FANCA: variants seen among roughly 807,000 people sequenced by gnomAD.
The protein encoded by FANCA is Fanconi anemia group A protein.
FANCA carries 236 observed loss-of-function variants against 194.3 expected under a neutral mutation model. The observed-to-expected ratio is 1.21, with a 90% confidence interval of 1.09 to 1.35. FANCA has a LOEUF of 1.35. Ranked by LOEUF, FANCA falls within the 40% of genes most tolerant of loss-of-function variation. The pLI is 0.00. For missense variants in FANCA, 2,628 were observed against 1,813.9 expected (o/e 1.45, Z -8.15); for synonymous variants, 1,014 against 715.8 (o/e 1.42, Z -6.65).
chr16:89,802,929 T>C (rs1448181080), intron 8 of FANCA, among the ~76,000 whole-genome samples: 3 of 152,170 alleles, frequency 2.0e-5, no homozygotes, highest in African/African-American at 7.2e-5. Context: ...AGTTGGTTAA[T>C]GGGTACAAAC....
At chr16:89,750,939 C>G (rs2038567672) in intron 31 of FANCA, among the ~76,000 whole-genome samples, 1 of 152,206 alleles carries the variant, frequency 6.6e-6, no homozygotes, top group Non-Finnish European at 1.5e-5. Context: ...GTTGCCCAGG[C>G]TGGAGTGCGG....
At chr16:89,744,927 C>G (rs370110043) in intron 36 of FANCA, 32 bp downstream of exon 36, 2 of 1,588,838 alleles carry the variant, frequency 1.3e-6, no homozygotes, top group Admixed American at 3.3e-5. Flanking sequence ...TGCATCTGGG[C>G]GGGCACACCC....
In FANCA at chr16:89,749,755, G is replaced by C; in HGVS notation, c.3214C>G (p.Gln1072Glu). 6.2e-7 allele frequency: 1 copy of C among 1,614,182 alleles called. No individual in the cohort carries two copies. The highest frequency in any genetic ancestry group is 8.5e-7 in the Non-Finnish European group (1 of 1,180,026). The change falls in exon 32 of 43, where the codon CAG becomes GAG. Residue 1072 changes from glutamine to glutamate, a missense_variant. Coordinates refer to ENST00000389301, the MANE Select transcript of FANCA (RefSeq NM_000135.4). ...GWSVAASLQRQRELLMYKRIL... is the reference protein window; with the variant it reads ...GWSVAASLQRERELLMYKRIL... ...CGTTTGTACATTAGCAGCTCCCTCTGTCTCTGAAGGCTGGCAGCCACGCTC... is the reference window on the plus strand; with the variant it reads ...CGTTTGTACATTAGCAGCTCCCTCTCTCTCTGAAGGCTGGCAGCCACGCTC...
In FANCA at chr16:89,795,519, T is replaced by C. The variant is rs186108782; in HGVS notation, c.1006+387A>G. On this transcript the variant is annotated intron_variant, in intron 11 of 42. Transcript: ENST00000389301. The stretch of plus-strand genomic sequence containing the variant: ...CGGGTGTGGTGGTTGGCGCCTGTAG[T>C]CCCAGCTACTTGAGAGGCTGAGACA... 2.6e-3 allele frequency among the ~76,000 whole-genome samples: 394 copies of C among 151,884 alleles called. 2 individuals are homozygous for C. The highest frequency in any genetic ancestry group is 9.1e-3 in the African/African-American group (378 of 41,412).
At chr16:89,815,077 G>A (rs905986323) in intron 2 of FANCA, among the ~76,000 whole-genome samples, 1 of 151,922 alleles carries the variant, frequency 6.6e-6, no homozygotes, top group Non-Finnish European at 1.5e-5. Flanking sequence ...TCTCACTGTC[G>A]TCCAGGCTGG....
At chr16:89,740,146 C>T in intron 38 of FANCA, 47 bp from the exon 39 acceptor site, 2 of 1,478,664 alleles carry the variant, frequency 1.4e-6, no homozygotes, top group Non-Finnish European at 1.9e-6. Flanking sequence ...ACCTGGTGCT[C>T]CCATGGGTAG....
intron 26 of FANCA, among the ~76,000 whole-genome samples, chr16:89,768,896 G>A (rs1027933697): frequency 1.4e-5 from 2 of 142,908 alleles, no homozygotes; most frequent in African/African-American, 5.3e-5. Context: ...TTGGCTGTGT[G>A]CCTCTCATGC....
intron 7 of FANCA, among the ~76,000 whole-genome samples, chr16:89,803,926 T>C (rs2040545781): frequency 1.3e-5 from 2 of 152,060 alleles, no homozygotes; most frequent in East Asian, 3.9e-4. Flanking sequence ...GCCCAATTTT[T>C]TTCTCTTAAA....
chr16:89,789,306 T>TAG (rs1289416438), intron 14 of FANCA, among the ~76,000 whole-genome samples: 110 of 119,986 alleles, frequency 9.2e-4, no homozygotes, highest in African/African-American at 3.5e-3. Flanking sequence ...TCAGAAGGCC[T>TAG]GGGGGGGGAG....
intron 21 of FANCA, among the ~76,000 whole-genome samples, chr16:89,773,764 T>C (rs2143371825): frequency 6.6e-6 from 1 of 150,464 alleles, no homozygotes; most frequent in Non-Finnish European, 1.5e-5. Flanking sequence ...AGTCCCCTGG[T>C]TCCTCAAACT....
At chr16:89,776,280 G>A (rs1160399075) in intron 20 of FANCA, among the ~76,000 whole-genome samples, 1 of 143,572 alleles carries the variant, frequency 7.0e-6, no homozygotes, top group African/African-American at 2.6e-5. Flanking sequence ...CAATTCTCCT[G>A]CCTCACCCTC....
At chr16:89,798,277 G>C in intron 10 of FANCA, 1 of 946,390 alleles carries the variant, frequency 1.1e-6, no homozygotes, top group African/African-American at 1.8e-5. Flanking sequence ...ACTGCTGTGA[G>C]AACACATCTG....
chr16:89,758,263 G>A (rs1300109963), intron 30 of FANCA, among the ~76,000 whole-genome samples: 4 of 152,212 alleles, frequency 2.6e-5, no homozygotes, highest in Non-Finnish European at 5.9e-5. Flanking sequence ...AGGCTCAAGT[G>A]TACTTTGCAT....
intron 29 of FANCA, among the ~76,000 whole-genome samples, chr16:89,759,948 C>T (rs1180283807): frequency 6.6e-6 from 1 of 151,820 alleles, no homozygotes; most frequent in Non-Finnish European, 1.5e-5. Context: ...GGTGCTCCAC[C>T]CACGCTGTGC....
chr16:89,738,760 C>T (rs761896034), intron 42 of FANCA, 52 bp from the exon 43 acceptor site: 4 of 1,612,584 alleles, frequency 2.5e-6, no homozygotes, highest in Non-Finnish European at 3.4e-6. Flanking sequence ...GGCCTCAGAC[C>T]ACAGGGGAGG....
rs755207440 is a variant in FANCA at position 89,764,985 on chromosome 16, G to T, written c.2683C>A (p.Pro895Thr). ...EEDVASLSWRPLHLPSADWQR... is the reference protein window; with the variant it reads ...EEDVASLSWRTLHLPSADWQR... ...CAGTCTGCAGAAGGAAGGTGCAAGGGTCTCCAGGAAAGGCTGGCTACGTCC... is the reference window on the plus strand; with the variant it reads ...CAGTCTGCAGAAGGAAGGTGCAAGGTTCTCCAGGAAAGGCTGGCTACGTCC... Residue 895 changes from proline (P) to threonine (T), a missense_variant, in exon 28 of 43, where the codon CCC (proline) becomes ACC (threonine). Pro to Thr is a conservative substitution (Grantham distance 38). Coordinates refer to ENST00000389301, the MANE Select transcript of FANCA (RefSeq NM_000135.4). The T allele has an allele frequency of 1.9e-6, 3 of 1,614,234 alleles. No homozygotes were observed. In the South Asian group the frequency reaches 3.3e-5, roughly 18 times the overall value.
chr16:89,797,676 C>T (rs915999171), intron 10 of FANCA, among the ~76,000 whole-genome samples: 2 of 152,058 alleles, frequency 1.3e-5, no homozygotes, highest in African/African-American at 2.4e-5. Context: ...GTCAGGAGTT[C>T]GAGACCAGCC....
In FANCA at chr16:89,815,867, T is replaced by C; in HGVS notation, c.189+10A>G. On this transcript the variant is annotated intron_variant, in intron 2 of 42. Coordinates refer to ENST00000389301, the MANE Select transcript of FANCA (RefSeq NM_000135.4). ...AATCTGCCCGCAGACGGACACCAGC[T>C]TCCTCTTACCTCAAGCAAAAGGGCA... The C allele has an allele frequency of 1.3e-6, 2 of 1,599,750 alleles. No homozygotes were observed. Among genetic ancestry groups the C allele is most frequent in the Non-Finnish European group, 1.7e-6 (2 of 1,167,006 alleles).
rs1014447679 is a variant in FANCA, at chr16:89,739,471, G to A, written c.4010+7C>T. 2 of 1,551,560 alleles carry A rather than the reference G, an allele frequency of 1.3e-6. No individual in the cohort carries two copies. Among genetic ancestry groups the A allele is most frequent in the Non-Finnish European group, 1.7e-6 (2 of 1,147,530 alleles). ...CCAGCCCTGACCAGCCCTGTGGGTGGAGGTACCTGTAAAAAGCGAAAGGCA... is the reference window on the plus strand; with the variant it reads ...CCAGCCCTGACCAGCCCTGTGGGTGAAGGTACCTGTAAAAAGCGAAAGGCA... On this transcript the variant is annotated splice_region_variant and intron_variant, in intron 40 of 42. Transcript: ENST00000389301.
Sources: gnomAD v4.1 joint callset for allele counts (sites outside exome capture counted in the v4.1 genomes callset) on GRCh38, gnomAD v4.1.1 for gene constraint, MANE v1.5 for transcripts, NCBI Gene and HGNC (gene_info 2026-07-23, HGNC 2026-07-21) for gene names.